The following ENKUR variants were observed in gnomAD, a reference collection of about 807,000 sequenced individuals.
ENKUR encodes the protein enkurin.
A neutral mutation model predicts 27.6 loss-of-function variants in ENKUR; 19 were observed. That is an observed-to-expected ratio of 0.69 (90% CI 0.48 to 1.01). The LOEUF (loss-of-function observed/expected upper bound fraction) is 1.01. Ranked by LOEUF, ENKUR falls within the 50% of genes least tolerant of loss-of-function variation. ENKUR has a pLI of 0.00. For missense variants in ENKUR, 312 were observed against 310.5 expected, an observed-to-expected ratio of 1.00 and a Z score of -0.04; for synonymous variants, 117 against 96.9, an observed-to-expected ratio of 1.21 and a Z score of -1.22.
intron 2 of ENKUR, among the ~76,000 whole-genome samples, chr10:25,033,925 C>A (rs112682792): frequency 0.027 from 4,078 of 151,798 alleles, 131 homozygotes; most frequent in African/African-American, 0.078. Flanking sequence ...ATCTCTCTCT[C>A]TATATATATG....
chr10:25,018,396 G>A (rs112725084), upstream of ENKUR, among the ~76,000 whole-genome samples: 2 of 152,312 alleles, frequency 1.3e-5, no homozygotes, highest in African/African-American at 2.4e-5. Flanking sequence ...TGTCTATAAA[G>A]GGGTAGACAG....
chr10:25,051,068 C>A (rs980956793), intron 2 of ENKUR, among the ~76,000 whole-genome samples: 1 of 151,954 alleles, frequency 6.6e-6, no homozygotes, highest in African/African-American at 2.4e-5. Context: ...TTTATGTATC[C>A]TTGGAACTTA....
chr10:25,028,775 A>G (rs1036215372), intron 2 of ENKUR, among the ~76,000 whole-genome samples: 5 of 152,154 alleles, frequency 3.3e-5, no homozygotes, highest in African/African-American at 9.7e-5. Context: ...CACCTCACCC[A>G]ATGGAACACA....
chr10:24,984,921 A>G lies in ENKUR; in HGVS notation c.595-16T>C. The G allele has an allele frequency of 6.2e-7, 1 of 1,604,272 alleles. No homozygotes were observed. The highest frequency in any genetic ancestry group is 8.5e-7 in the Non-Finnish European group (1 of 1,176,050). ...TTTTCAGCCCCTGCAAATGGTCAAG[A>G]AACTTGTAAATACCAAAGCAAACTG... On this transcript the variant is annotated splice_polypyrimidine_tract_variant and intron_variant, in intron 4 of 5. Transcript: ENST00000331161.
intron 2 of ENKUR, chr10:25,024,229 A>T: frequency 1.9e-6 from 3 of 1,614,234 alleles, no homozygotes; most frequent in Non-Finnish European, 2.5e-6. Context: ...CCTTTCAGGC[A>T]ACCAGTTCAT....
chr10:25,004,271 C>A (rs1023064227), intron 1 of ENKUR, among the ~76,000 whole-genome samples: 14 of 152,158 alleles, frequency 9.2e-5, no homozygotes, highest in Non-Finnish European at 1.5e-4. Context: ...AGAACAATTT[C>A]TATTCCTTTG....
At chr10:25,016,225 C>T (rs1454718769), upstream of ENKUR, 4 of 1,085,516 alleles carry the variant, frequency 3.7e-6, no homozygotes, top group East Asian at 1.5e-4. Context: ...ACTAGGTCTC[C>T]CCTCTTCCCT....
chr10:25,037,369 T>C (rs1374191629), intron 2 of ENKUR, among the ~76,000 whole-genome samples: 1 of 152,142 alleles, frequency 6.6e-6, no homozygotes, highest in Admixed American at 6.5e-5. Flanking sequence ...AAAGTAGCTT[T>C]ATAGGATTTG....
intron 2 of ENKUR, chr10:25,024,569 A>G (rs1850802675): frequency 1.2e-6 from 2 of 1,614,136 alleles, no homozygotes; most frequent in East Asian, 4.5e-5. Context: ...AGAATTTTTA[A>G]TGATTCTGAT....
At chr10:25,025,005 A>G in intron 2 of ENKUR, 1 of 1,614,252 alleles carries the variant, frequency 6.2e-7, no homozygotes, top group South Asian at 1.1e-5. Context: ...TTAATCGATT[A>G]GAAAGTCAGC....
intron 2 of ENKUR, among the ~76,000 whole-genome samples, chr10:25,057,426 C>T (rs76956370): frequency 0.031 from 4,078 of 131,972 alleles, 124 homozygotes; most frequent in African/African-American, 0.1. Context: ...CACACACACA[C>T]ACAATGCCCT....
chr10:25,008,927 T>A (rs1388365863), intron 1 of ENKUR, among the ~76,000 whole-genome samples: 1 of 152,136 alleles, frequency 6.6e-6, no homozygotes, highest in Non-Finnish European at 1.5e-5. Flanking sequence ...TATGCAGCCA[T>A]AAAAAATGAT....
chr10:25,025,663 T>G, intron 2 of ENKUR: 1 of 548,592 alleles, frequency 1.8e-6, no homozygotes, highest in Non-Finnish European at 3.3e-6. Context: ...GGTAACACAG[T>G]GCACGGACCT....
chr10:24,996,193 T>A (rs752375555), intron 2 of ENKUR, among the ~76,000 whole-genome samples: 1 of 152,232 alleles, frequency 6.6e-6, no homozygotes, highest in Admixed American at 6.5e-5. Flanking sequence ...CACGGTGACG[T>A]GGGCAGATCG....
At chr10:25,059,613 C>T (rs1851304608) in intron 2 of ENKUR, among the ~76,000 whole-genome samples, 1 of 152,090 alleles carries the variant, frequency 6.6e-6, no homozygotes, top group South Asian at 2.1e-4. Context: ...TGCCTGGTAC[C>T]CCCACTGGGC....
intron 1 of ENKUR, among the ~76,000 whole-genome samples, chr10:25,005,163 C>G (rs1850283721): frequency 6.6e-6 from 1 of 152,064 alleles, no homozygotes; most frequent in South Asian, 2.1e-4. Context: ...TTACTGCAGC[C>G]CTGTAGTATA....
chr10:25,014,443 A>C (rs1850519177), intron 1 of ENKUR, among the ~76,000 whole-genome samples: 1 of 152,194 alleles, frequency 6.6e-6, no homozygotes, highest in Non-Finnish European at 1.5e-5. Context: ...CAGATATACT[A>C]GTGCAATATT....
intron 2 of ENKUR, among the ~76,000 whole-genome samples, chr10:25,034,301 C>G (rs940641468): frequency 1.3e-5 from 2 of 152,066 alleles, no homozygotes; most frequent in Non-Finnish European, 2.9e-5. Context: ...TTTCTAAAAT[C>G]TGAAAATATT....
At chr10:25,036,942 C>T (rs901648665) in intron 2 of ENKUR, among the ~76,000 whole-genome samples, 4 of 152,122 alleles carry the variant, frequency 2.6e-5, no homozygotes, top group African/African-American at 9.7e-5. Flanking sequence ...AAAGAAACAT[C>T]AAAATCACAC....
Sources: allele counts gnomAD v4.1 joint callset (sites outside exome capture counted in the v4.1 genomes callset), GRCh38; gene constraint gnomAD v4.1.1; transcripts MANE v1.5; gene names NCBI Gene and HGNC (gene_info 2026-07-23, HGNC 2026-07-21).